GRIK2: variants seen among roughly 807,000 people sequenced by gnomAD.
GRIK2 encodes glutamate receptor ionotropic, kainate 2.
Under a neutral mutation model 100.3 loss-of-function variants are expected in GRIK2, and 32 were observed. The ratio of observed to expected loss-of-function variants is 0.32; its 90% CI spans 0.24 to 0.43. The LOEUF (loss-of-function observed/expected upper bound fraction) is 0.43, where lower values mean the gene tolerates loss of function less well. Among genes scored for constraint, GRIK2 ranks in the 20% least tolerant of loss-of-function variants. The pLI, the probability that GRIK2 is intolerant of heterozygous loss-of-function variation, is 1.00. For missense variants in GRIK2, 843 were observed against 1,114.9 expected (o/e 0.76, Z 3.47); for synonymous variants, 417 against 389.4 (o/e 1.07, Z -0.83).
At chr6:102,009,670 T>TA (rs2114306562) in intron 14 of GRIK2, among the ~76,000 whole-genome samples, 1 of 152,324 alleles carries the variant, frequency 6.6e-6, no homozygotes, top group East Asian at 1.9e-4. Flanking sequence ...ATCAAACTAA[T>TA]GAGTTTACTC....
chr6:101,466,325 A>G (rs1771642785), intron 2 of GRIK2, among the ~76,000 whole-genome samples: 1 of 150,910 alleles, frequency 6.6e-6, no homozygotes, highest in Non-Finnish European at 1.5e-5. Context: ...TTTATTATAT[A>G]TAAATAAAAA....
intron 2 of GRIK2, among the ~76,000 whole-genome samples, chr6:101,438,275 A>G (rs1278491702): frequency 6.6e-6 from 1 of 152,054 alleles, no homozygotes; most frequent in Non-Finnish European, 1.5e-5. Flanking sequence ...GCTCAAGGGA[A>G]GACATTTATT....
chr6:101,551,453 A>T (rs982188501), intron 2 of GRIK2, among the ~76,000 whole-genome samples: 1 of 152,130 alleles, frequency 6.6e-6, no homozygotes, highest in African/African-American at 2.4e-5. Flanking sequence ...GGTGGGATAA[A>T]ATTTTAGAGG....
intron 2 of GRIK2, among the ~76,000 whole-genome samples, chr6:101,426,628 T>C (rs1357262244): frequency 1.3e-5 from 2 of 152,122 alleles, no homozygotes; most frequent in Non-Finnish European, 2.9e-5. Context: ...TATTAAAAAG[T>C]TTACAGAGGA....
At chr6:101,610,163 T>C (rs1779608347) in intron 2 of GRIK2, among the ~76,000 whole-genome samples, 1 of 151,428 alleles carries the variant, frequency 6.6e-6, no homozygotes, top group Admixed American at 6.6e-5. Context: ...CCTAAGAGCA[T>C]TAAAATATTG....
At chr6:101,648,886 A>G (rs1452415089) in intron 4 of GRIK2, among the ~76,000 whole-genome samples, 1 of 152,050 alleles carries the variant, frequency 6.6e-6, no homozygotes, top group Non-Finnish European at 1.5e-5. Flanking sequence ...ATGGTGGAAG[A>G]TAAAGGAAAG....
chr6:101,912,204 G>A (rs1447290785), intron 12 of GRIK2, among the ~76,000 whole-genome samples: 1 of 150,158 alleles, frequency 6.7e-6, no homozygotes, highest in South Asian at 2.1e-4. Flanking sequence ...TTGGGTATAC[G>A]GCTAACTTGC....
At chr6:101,768,254 A>G (rs1778161019) in intron 7 of GRIK2, among the ~76,000 whole-genome samples, 2 of 152,330 alleles carry the variant, frequency 1.3e-5, no homozygotes, top group South Asian at 4.1e-4. Flanking sequence ...TTCAAGTAAT[A>G]TAAGCCATGT....
intron 14 of GRIK2, among the ~76,000 whole-genome samples, chr6:102,002,264 GTGTGTGTATGTA>G (rs1794980431): frequency 6.7e-6 from 1 of 149,176 alleles, no homozygotes; most frequent in Admixed American, 6.7e-5. Context: ...TGGATTATGT[GTGTGTGTATGTA>G]TGTGTGTGTA....
intron 11 of GRIK2, among the ~76,000 whole-genome samples, chr6:101,875,727 T>A (rs1785783461): frequency 6.6e-6 from 1 of 151,850 alleles, no homozygotes; most frequent in Non-Finnish European, 1.5e-5. Flanking sequence ...TTTAGGGGTT[T>A]TTATGGAAAT....
At chr6:102,011,291 G>A (rs1795517355) in intron 14 of GRIK2, among the ~76,000 whole-genome samples, 1 of 152,068 alleles carries the variant, frequency 6.6e-6, no homozygotes, top group Non-Finnish European at 1.5e-5. Context: ...ATTCCTTAAT[G>A]ATATATGATG....
chr6:101,791,373 C>T (rs2128408166), intron 7 of GRIK2, among the ~76,000 whole-genome samples: 1 of 152,284 alleles, frequency 6.6e-6, no homozygotes, highest in South Asian at 2.1e-4. Flanking sequence ...CTACACACTG[C>T]TTTGAATGTG....
intron 10 of GRIK2, among the ~76,000 whole-genome samples, chr6:101,845,360 C>G (rs2791828): frequency 0.92 from 139,587 of 152,174 alleles, 64,191 homozygotes; most frequent in East Asian, 0.98. Flanking sequence ...TCTGCTTTCT[C>G]TTTCTATGGT....
chr6:101,736,632 G>A (rs895572006), intron 7 of GRIK2, among the ~76,000 whole-genome samples: 7 of 152,136 alleles, frequency 4.6e-5, no homozygotes, highest in Non-Finnish European at 1.0e-4. Flanking sequence ...ACTACACACA[G>A]CATGGGGACC....
At chr6:101,515,676 G>A (rs906863686) in intron 2 of GRIK2, among the ~76,000 whole-genome samples, 3 of 152,062 alleles carry the variant, frequency 2.0e-5, no homozygotes, top group African/African-American at 4.8e-5. Flanking sequence ...ATGATGTTGA[G>A]CATTTTTTCA....
At chr6:101,539,760 GA>G (rs1405356994) in intron 2 of GRIK2, among the ~76,000 whole-genome samples, 3 of 151,550 alleles carry the variant, frequency 2.0e-5, no homozygotes, top group Non-Finnish European at 4.4e-5. Flanking sequence ...GTTCGTACAT[GA>G]AAAAAATTTT....
intron 2 of GRIK2, among the ~76,000 whole-genome samples, chr6:101,500,922 A>T (rs1307133574): frequency 7.1e-6 from 1 of 141,092 alleles, no homozygotes; most frequent in Non-Finnish European, 1.5e-5. Flanking sequence ...ACTGTGCTTG[A>T]TGCTATTTAT....
chr6:102,066,984 G>A (rs1162567848), intron 16 of GRIK2, among the ~76,000 whole-genome samples: 1 of 151,674 alleles, frequency 6.6e-6, no homozygotes, highest in Non-Finnish European at 1.5e-5. Context: ...ATCAGGATAT[G>A]TTGCTGGAAT....
chr6:101,744,303 C>T (rs1396772420), intron 7 of GRIK2, among the ~76,000 whole-genome samples: 1 of 151,638 alleles, frequency 6.6e-6, no homozygotes, highest in Non-Finnish European at 1.5e-5. Flanking sequence ...CTCCAAAGTC[C>T]AATGTGTCAT....
Sources: gnomAD v4.1 joint callset for allele counts (sites outside exome capture counted in the v4.1 genomes callset) on GRCh38, gnomAD v4.1.1 for gene constraint, MANE v1.5 for transcripts, NCBI Gene and HGNC (gene_info 2026-07-23, HGNC 2026-07-21) for gene names.